The following ATOSA variants were observed in gnomAD, a reference collection of about 807,000 sequenced individuals.
ATOSA encodes atos homolog protein A.
At chr15:52,629,571 A>G in the ATOSA span, 1 of 386,760 alleles carries the variant, frequency 2.6e-6, no homozygotes, top group Non-Finnish European at 5.2e-6. Context: ...TGGCAGGCTG[A>G]GGAGGGCACA....
the ATOSA span, among the ~76,000 whole-genome samples, chr15:52,706,070 A>C: frequency 6.6e-6 from 1 of 152,224 alleles, no homozygotes; most frequent in African/African-American, 2.4e-5. Flanking sequence ...GTTACTTTCA[A>C]GGCATGCAAA....
At chr15:52,694,583 C>T in the ATOSA span, among the ~76,000 whole-genome samples, 2 of 151,912 alleles carry the variant, frequency 1.3e-5, no homozygotes, top group East Asian at 1.9e-4. Flanking sequence ...ACTATAATCC[C>T]GCCACTTTGG....
At chr15:52,584,710 TAAAGTA>T in the ATOSA span, 1 of 1,573,190 alleles carries the variant, frequency 6.4e-7, no homozygotes, top group Non-Finnish European at 8.7e-7. Context: ...AGAGTTGTTC[TAAAGTA>T]ACATTTTCAT....
At chr15:52,648,074 CAACAT>C in the ATOSA span, among the ~76,000 whole-genome samples, 5 of 152,180 alleles carry the variant, frequency 3.3e-5, no homozygotes, top group Middle Eastern at 3.4e-3. Context: ...TGAGAAAACT[CAACAT>C]ATTCACGTTT....
chr15:52,689,677 A>T, the ATOSA span, among the ~76,000 whole-genome samples: 1 of 152,030 alleles, frequency 6.6e-6, no homozygotes, highest in African/African-American at 2.4e-5. Flanking sequence ...AACCCTCTAT[A>T]GGCTGGCAAG....
the ATOSA span, chr15:52,649,428 T>C: frequency 8.5e-5 from 13 of 152,176 alleles, no homozygotes; most frequent in African/African-American, 3.1e-4. Context: ...CTTCCCAATC[T>C]GAGTTTTTAA....
At chr15:52,669,259 T>A in the ATOSA span, among the ~76,000 whole-genome samples, 4 of 152,078 alleles carry the variant, frequency 2.6e-5, no homozygotes, top group African/African-American at 9.7e-5. Context: ...GCAAGCAAAG[T>A]AGGGTAACTT....
At chr15:52,665,718 A>T in the ATOSA span, among the ~76,000 whole-genome samples, 2 of 152,358 alleles carry the variant, frequency 1.3e-5, no homozygotes, top group African/African-American at 4.8e-5. Context: ...TATACTAGCC[A>T]AAACTTGAAG....
the ATOSA span, among the ~76,000 whole-genome samples, chr15:52,699,723 G>A: frequency 1.6e-4 from 24 of 152,086 alleles, no homozygotes; most frequent in African/African-American, 3.9e-4. Flanking sequence ...TCTCCCCAGC[G>A]GGCATCCTGT....
chr15:52,586,192 C>T, the ATOSA span: 1 of 152,130 alleles, frequency 6.6e-6, no homozygotes, highest in African/African-American at 2.4e-5. Flanking sequence ...AATCGGTTTA[C>T]TTGTGGTATT....
At chr15:52,582,147 C>T in the ATOSA span, 2 of 1,562,642 alleles carry the variant, frequency 1.3e-6, no homozygotes, top group Admixed American at 4.4e-5. Context: ...TAAATCATCA[C>T]TCCTTATCAA....
chr15:52,596,882 A>G, the ATOSA span, among the ~76,000 whole-genome samples: 1 of 152,264 alleles, frequency 6.6e-6, no homozygotes, highest in Non-Finnish European at 1.5e-5. Flanking sequence ...AAAAATGTAC[A>G]GCCAAACTTC....
chr15:52,619,193 G>C, the ATOSA span, among the ~76,000 whole-genome samples: 4 of 152,090 alleles, frequency 2.6e-5, no homozygotes, highest in Non-Finnish European at 4.4e-5. Context: ...TAATAAACGA[G>C]AATACTAAAT....
the ATOSA span, among the ~76,000 whole-genome samples, chr15:52,652,295 C>T: frequency 6.6e-6 from 1 of 152,174 alleles, no homozygotes; most frequent in Non-Finnish European, 1.5e-5. Context: ...TCTTCAGTTG[C>T]TTTTAAAACA....
chr15:52,581,623 C>A, the ATOSA span: 2 of 152,642 alleles, frequency 1.3e-5, no homozygotes, highest in Admixed American at 6.5e-5. Context: ...AAAAACTAAA[C>A]ATGAGAGATA....
At chr15:52,679,477 A>C in the ATOSA span, 2 of 151,988 alleles carry the variant, frequency 1.3e-5, no homozygotes, top group South Asian at 2.1e-4. Flanking sequence ...CCCGGTTACT[A>C]TGGCAATGCC....
chr15:52,649,432 T>G, the ATOSA span: 1 of 152,086 alleles, frequency 6.6e-6, no homozygotes, highest in African/African-American at 2.4e-5. Context: ...CCAATCTGAG[T>G]TTTTAAGTTA....
At chr15:52,584,677 TA>T in the ATOSA span, 3,876 of 1,086,828 alleles carry the variant, frequency 3.6e-3, no homozygotes, top group Non-Finnish European at 4.0e-3. Flanking sequence ...AGTCACAGTT[TA>T]AAAAAAAAAA....
chr15:52,606,054 AT>A, the ATOSA span, among the ~76,000 whole-genome samples: 1 of 152,136 alleles, frequency 6.6e-6, no homozygotes, highest in African/African-American at 2.4e-5. Flanking sequence ...GTACTCACCT[AT>A]TTTGTGACCT....
Sources: gnomAD v4.1 joint callset for allele counts (sites outside exome capture counted in the v4.1 genomes callset) on GRCh38, gnomAD v4.1.1 for gene constraint, MANE v1.5 for transcripts, NCBI Gene and HGNC (gene_info 2026-07-23, HGNC 2026-07-21) for gene names.